GALNT14: variants seen among roughly 807,000 people sequenced by gnomAD.
The protein encoded by GALNT14 is polypeptide N-acetylgalactosaminyltransferase 14, also known as UDP-GalNAc:polypeptide N-acetylgalactosaminyltransferase 14.
Under a neutral mutation model 77.5 loss-of-function variants are expected in GALNT14, and 60 were observed. That is an observed-to-expected ratio of 0.77 (90% CI 0.63 to 0.96). The LOEUF (loss-of-function observed/expected upper bound fraction) is 0.96, where lower values mean the gene tolerates loss of function less well. Ranked by LOEUF, GALNT14 falls within the 40% of genes least tolerant of loss-of-function variation. The pLI is 0.00. For synonymous variants in GALNT14, 280 were observed against 281.7 expected (o/e 0.99, Z 0.06); for missense variants, 710 against 731.0 (o/e 0.97, Z 0.33).
intron 1 of GALNT14, among the ~76,000 whole-genome samples, chr2:31,127,290 G>A (rs1361454665): frequency 1.3e-5 from 2 of 152,156 alleles, no homozygotes; most frequent in East Asian, 1.9e-4. Context: ...CACAGCCTGC[G>A]GGTCAAATCT....
chr2:31,082,354 G>A (rs1449867100), intron 1 of GALNT14, among the ~76,000 whole-genome samples: 1 of 152,214 alleles, frequency 6.6e-6, no homozygotes, highest in Non-Finnish European at 1.5e-5. Context: ...CTTGTCTCTT[G>A]CAGAATTCTG....
chr2:31,020,570 C>CG (rs1394623728), intron 1 of GALNT14, among the ~76,000 whole-genome samples: 7 of 152,120 alleles, frequency 4.6e-5, no homozygotes, highest in Non-Finnish European at 8.8e-5. Flanking sequence ...CCTGACACCC[C>CG]GGGGAAGCTA....
chr2:31,032,850 C>T (rs1672500153), intron 1 of GALNT14, among the ~76,000 whole-genome samples: 1 of 152,108 alleles, frequency 6.6e-6, no homozygotes, highest in Non-Finnish European at 1.5e-5. Context: ...TTATTTTGCT[C>T]AATGCTGGAG....
chr2:30,970,542 T>C (rs979193082), intron 2 of GALNT14, among the ~76,000 whole-genome samples: 1 of 152,012 alleles, frequency 6.6e-6, no homozygotes, highest in Non-Finnish European at 1.5e-5. Flanking sequence ...GCTCATCGAC[T>C]AGAATCACAA....
intron 8 of GALNT14, among the ~76,000 whole-genome samples, chr2:30,944,533 A>ACCAT (rs1202935432): frequency 1.3e-5 from 2 of 152,078 alleles, no homozygotes; most frequent in African/African-American, 4.8e-5. Flanking sequence ...GCCCTAAGGG[A>ACCAT]CCATCTTTCC....
downstream of GALNT14, among the ~76,000 whole-genome samples, chr2:30,908,046 T>C (rs1389540086): frequency 2.3e-5 from 3 of 129,910 alleles, no homozygotes; most frequent in African/African-American, 6.0e-5. Context: ...AATTAGGTAT[T>C]GATGGGATGT....
intron 3 of GALNT14, among the ~76,000 whole-genome samples, chr2:30,963,565 C>T (rs1667819593): frequency 6.6e-6 from 1 of 152,198 alleles, no homozygotes; most frequent in South Asian, 2.1e-4. Flanking sequence ...CCTGGGGGGC[C>T]TAGAAGCCCC....
chr2:30,925,319 G>A (rs772497940), intron 11 of GALNT14, among the ~76,000 whole-genome samples: 1 of 152,158 alleles, frequency 6.6e-6, no homozygotes, highest in Non-Finnish European at 1.5e-5. Flanking sequence ...TATGTGTCAG[G>A]CATTGTACCC....
At chr2:30,955,816 G>T (rs569644443) in intron 5 of GALNT14, 77 bp from the exon 6 acceptor site, 1 of 1,608,348 alleles carries the variant, frequency 6.2e-7, no homozygotes, top group South Asian at 1.1e-5. Flanking sequence ...AAGCCACCCA[G>T]CATTCCCCAC....
At chr2:31,115,423 A>C (rs1180003996) in intron 1 of GALNT14, among the ~76,000 whole-genome samples, 1 of 152,226 alleles carries the variant, frequency 6.6e-6, no homozygotes, top group Non-Finnish European at 1.5e-5. Context: ...ATTCTGATCA[A>C]AAAATAAATG....
chr2:30,928,906 C>G (rs534094811), intron 11 of GALNT14, among the ~76,000 whole-genome samples: 1 of 152,304 alleles, frequency 6.6e-6, no homozygotes, highest in South Asian at 2.1e-4. Context: ...TGAGCCACCA[C>G]GCCAAGCCTG....
At chr2:30,984,899 G>A (rs1414820617) in intron 2 of GALNT14, among the ~76,000 whole-genome samples, 2 of 152,140 alleles carry the variant, frequency 1.3e-5, no homozygotes, top group Non-Finnish European at 2.9e-5. Context: ...CCCAAACCAG[G>A]GACAGGGCAG....
chr2:31,096,910 C>T (rs545293748), intron 1 of GALNT14, among the ~76,000 whole-genome samples: 98 of 152,226 alleles, frequency 6.4e-4, no homozygotes, highest in African/African-American at 2.2e-3. Flanking sequence ...AATCCAGGTC[C>T]CCACTTTACT....
chr2:31,071,936 G>T (rs901540703), intron 1 of GALNT14, among the ~76,000 whole-genome samples: 2 of 152,190 alleles, frequency 1.3e-5, no homozygotes, highest in Admixed American at 1.3e-4. Flanking sequence ...CCCAGAAAGC[G>T]GCCTGGAGAT....
intron 1 of GALNT14, among the ~76,000 whole-genome samples, chr2:31,122,548 T>TTA (rs1361457479): frequency 6.6e-6 from 1 of 152,220 alleles, no homozygotes; most frequent in Admixed American, 6.5e-5. Context: ...CCTGGGGATC[T>TTA]TACTAAATGC....
At chr2:31,050,677 A>G (rs1022680861) in intron 1 of GALNT14, among the ~76,000 whole-genome samples, 4 of 152,092 alleles carry the variant, frequency 2.6e-5, no homozygotes, top group Non-Finnish European at 5.9e-5. Flanking sequence ...TAAGATGACA[A>G]CGTCAGGGGG....
chr2:30,957,920 A>T (rs1276070647), intron 4 of GALNT14, among the ~76,000 whole-genome samples: 1 of 152,218 alleles, frequency 6.6e-6, no homozygotes, highest in Non-Finnish European at 1.5e-5. Context: ...TTCAAATTTG[A>T]TGCACAGTGT....
chr2:30,906,573 C>A (rs1164914620), downstream of GALNT14, among the ~76,000 whole-genome samples: 1 of 150,450 alleles, frequency 6.6e-6, no homozygotes, highest in Admixed American at 6.6e-5. Flanking sequence ...TCCTGAGTGA[C>A]CTACAAAGAG....
At chr2:31,062,294 A>G (rs1310209761) in intron 1 of GALNT14, among the ~76,000 whole-genome samples, 1 of 152,092 alleles carries the variant, frequency 6.6e-6, no homozygotes, top group African/African-American at 2.4e-5. Flanking sequence ...ACTCCCACTT[A>G]TGACTGAGAA....
Sources: gnomAD v4.1 joint callset for allele counts (sites outside exome capture counted in the v4.1 genomes callset) on GRCh38, gnomAD v4.1.1 for gene constraint, MANE v1.5 for transcripts, NCBI Gene and HGNC (gene_info 2026-07-23, HGNC 2026-07-21) for gene names.